OTOGL: variants seen among roughly 807,000 people sequenced by gnomAD.
OTOGL encodes the protein otogelin like, also known as otogelin-like protein.
In OTOGL, 285 loss-of-function variants were observed where a neutral mutation model predicts 318.5. The ratio of observed to expected loss-of-function variants is 0.89; its 90% CI spans 0.81 to 0.99. The LOEUF is 0.99. Ranked by LOEUF, OTOGL falls within the 50% of genes least tolerant of loss-of-function variation. The pLI is 0.00. For synonymous variants in OTOGL, 987 were observed against 936.5 expected, an observed-to-expected ratio of 1.05 and a Z score of -0.99; for missense variants, 2,899 against 2,845.6, an observed-to-expected ratio of 1.02 and a Z score of -0.43.
intron 1 of OTOGL, among the ~76,000 whole-genome samples, chr12:80,109,406 A>G (rs965876096): frequency 4.0e-5 from 6 of 151,846 alleles, no homozygotes; most frequent in African/African-American, 1.2e-4. Context: ...ATCTTTACTC[A>G]TTTACTTTAT....
rs766966050 is a variant in OTOGL at position 80,266,559 on chromosome 12, G to A, written c.2333G>A (p.Gly778Asp). 17 of 1,613,394 alleles carry A rather than the reference G, an allele frequency of 1.1e-5. No homozygotes were observed. The highest frequency in any genetic ancestry group is 1.6e-4 in the Middle Eastern group (1 of 6,076). Residue 778 changes from glycine (G) to aspartate (D), a missense_variant, in exon 21 of 59, where the codon GGC (glycine) becomes GAC (aspartate). Gly to Asp is a moderately conservative substitution (Grantham distance 94). This residue lies in a region of OTOGL where 2,607 missense variants were observed against 2,524.9 expected (regional missense o/e 1.03). Transcript: ENST00000547103. ...PEQCSDDCAEGCNCPEGKFYE... is the reference protein window; with the variant it reads ...PEQCSDDCAEDCNCPEGKFYE... ...CAGTGCAGTGATGACTGTGCTGAAG[G>A]CTGTAATTGTCCGGAAGGCAAATTC...
chr12:80,251,867 C>CT, intron 12 of OTOGL, 68 bp downstream of exon 12: 1 of 1,351,370 alleles, frequency 7.4e-7, no homozygotes, highest in Non-Finnish European at 1.0e-6. Flanking sequence ...GAACTCAAAA[C>CT]TTACTGTACT....
chr12:80,133,991 A>T (rs570438229), intron 1 of OTOGL, among the ~76,000 whole-genome samples: 15 of 152,240 alleles, frequency 9.9e-5, no homozygotes, highest in African/African-American at 3.4e-4. Context: ...TAAAAGCTAA[A>T]ATAAAAAAAA....
intron 1 of OTOGL, among the ~76,000 whole-genome samples, chr12:80,144,159 A>T (rs1472336135): frequency 2.0e-5 from 3 of 151,620 alleles, no homozygotes; most frequent in Non-Finnish European, 4.4e-5. Flanking sequence ...GCACCCACTA[A>T]CTCGTCATCT....
At chr12:80,364,572 C>G (rs1044209331) in intron 52 of OTOGL, among the ~76,000 whole-genome samples, 1 of 152,124 alleles carries the variant, frequency 6.6e-6, no homozygotes, top group African/African-American at 2.4e-5. Context: ...TTCCTCATTT[C>G]TCTCCAAACT....
In OTOGL at chr12:80,211,995, C is replaced by T. The variant is rs1193594940; in HGVS notation, c.166C>T (p.Gln56Ter). ...NRQKRALLAAQFEATSPRYFF... is the reference protein window; with the variant it reads ...NRQKRALLAA Reference sequence around the variant, plus strand: ...ACAGAAAAGAGCTCTTTTAGCAGCACAGGTAGGTTATGCTTCAGGTGGAGA... The same window carrying T: ...ACAGAAAAGAGCTCTTTTAGCAGCATAGGTAGGTTATGCTTCAGGTGGAGA... Residue 56 changes from glutamine (Q) to a stop codon, truncating the protein, a stop_gained and splice_region_variant, in exon 4 of 59, where the codon CAG (glutamine) becomes TAG (stop). Coordinates refer to ENST00000547103, the MANE Select transcript of OTOGL (RefSeq NM_001378609.3). LOFTEE classifies it high-confidence loss of function. The T allele has an allele frequency of 3.2e-6, 5 of 1,574,712 alleles. No homozygotes were observed. In the East Asian group the frequency reaches 9.1e-5, roughly 29 times the overall value.
At chr12:80,298,733 A>G (rs1165083385) in intron 27 of OTOGL, among the ~76,000 whole-genome samples, 4 of 152,112 alleles carry the variant, frequency 2.6e-5, no homozygotes, top group South Asian at 2.1e-4. Flanking sequence ...AGCACAATAT[A>G]TGGGACAGTG....
At chr12:80,143,993 A>G (rs1222907846) in intron 1 of OTOGL, among the ~76,000 whole-genome samples, 1 of 151,018 alleles carries the variant, frequency 6.6e-6, no homozygotes, top group Non-Finnish European at 1.5e-5. Context: ...AGATATATGT[A>G]TATTCTTCTA....
chr12:80,196,126 T>C (rs1021477058), intron 1 of OTOGL, among the ~76,000 whole-genome samples: 1 of 152,174 alleles, frequency 6.6e-6, no homozygotes, highest in Non-Finnish European at 1.5e-5. Flanking sequence ...CTGGAGCCAC[T>C]AGTGTTTGCT....
intron 1 of OTOGL, chr12:80,131,103 A>ACCAGAT: frequency 6.6e-6 from 1 of 152,228 alleles, no homozygotes; most frequent in Non-Finnish European, 1.5e-5. Context: ...AAGAAGTAGG[A>ACCAGAT]GGCACAGCAA....
intron 26 of OTOGL, among the ~76,000 whole-genome samples, chr12:80,284,828 T>A (rs768580243): frequency 7.9e-5 from 12 of 152,216 alleles, no homozygotes; most frequent in Non-Finnish European, 1.8e-4. Flanking sequence ...TTTGGTAGGA[T>A]GCCTGTTCAC....
intron 20 of OTOGL, chr12:80,265,887 A>T (rs1020478978): frequency 4.6e-5 from 7 of 152,886 alleles, no homozygotes; most frequent in African/African-American, 1.7e-4. Context: ...GTAAATATAA[A>T]AGTAATGTAA....
rs753599326 is a variant in OTOGL, at chr12:80,370,616, A to G, written c.6662A>G (p.Lys2221Arg). 2 of 1,588,874 alleles carry G rather than the reference A, an allele frequency of 1.3e-6. No homozygotes were observed. The highest frequency in any genetic ancestry group is 1.7e-6 in the Non-Finnish European group (2 of 1,165,338). ...AATTGCACCACATATGAATGTGTTA[A>G]AACTGATGAAGGAGCAATAATTCTG... ...HYNCTTYECV[K>R]TDEGAIILNY... Residue 2221 changes from lysine (K) to arginine (R), a missense_variant, in exon 56 of 59, where the codon AAA becomes AGA. Around this residue, in one of 3 missense-constraint regions of OTOGL, gnomAD observed 289 missense variants for 304.6 expected, o/e 0.95. Coordinates refer to ENST00000547103, the MANE Select transcript of OTOGL (RefSeq NM_001378609.3).
At chr12:80,254,798 G>A (rs1881882675) in intron 15 of OTOGL, among the ~76,000 whole-genome samples, 1 of 151,894 alleles carries the variant, frequency 6.6e-6, no homozygotes, top group African/African-American at 2.4e-5. Context: ...CCTAAAAAAT[G>A]TGGAATAAAT....
At chr12:80,273,837 T>G (rs1182538126) in intron 24 of OTOGL, among the ~76,000 whole-genome samples, 1 of 152,092 alleles carries the variant, frequency 6.6e-6, no homozygotes, top group Non-Finnish European at 1.5e-5. Flanking sequence ...TGGTAATTTT[T>G]GCAATATTTC....
intron 43 of OTOGL, among the ~76,000 whole-genome samples, chr12:80,341,481 G>T (rs1046545144): frequency 6.6e-6 from 1 of 152,152 alleles, no homozygotes; most frequent in African/African-American, 2.4e-5. Context: ...CATGCACTAG[G>T]TGATGGAGTA....
intron 53 of OTOGL, among the ~76,000 whole-genome samples, chr12:80,367,356 G>T (rs1288362057): frequency 6.6e-6 from 1 of 151,878 alleles, no homozygotes; most frequent in African/African-American, 2.4e-5. Flanking sequence ...TTTTATAGAT[G>T]AATTTTTATT....
chr12:80,302,868 G>A, intron 28 of OTOGL, 85 bp downstream of exon 28: 1 of 1,187,568 alleles, frequency 8.4e-7, no homozygotes, highest in South Asian at 2.9e-5. Flanking sequence ...AATGATTAAT[G>A]TTTTCCTTTA....
chr12:80,320,114 A>G (rs1212658816), intron 33 of OTOGL, among the ~76,000 whole-genome samples: 1 of 152,152 alleles, frequency 6.6e-6, no homozygotes, highest in Non-Finnish European at 1.5e-5. Context: ...GAAATTGTAC[A>G]TTCTGGAGTC....
Sources: allele counts gnomAD v4.1 joint callset (sites outside exome capture counted in the v4.1 genomes callset), GRCh38; gene constraint gnomAD v4.1.1; regional missense constraint gnomAD v4.1.1; transcripts MANE v1.5; gene names NCBI Gene and HGNC (gene_info 2026-07-23, HGNC 2026-07-21).